FNDC7: variants seen among roughly 807,000 people sequenced by gnomAD.
FNDC7 encodes the protein fibronectin type III domain containing 7.
FNDC7 carries 66 observed loss-of-function variants against 74.2 expected under a neutral mutation model. The observed-to-expected ratio is 0.89, with a 90% CI of 0.73 to 1.09. The LOEUF (loss-of-function observed/expected upper bound fraction) is 1.09. Ranked by LOEUF, FNDC7 falls within the 50% of genes least tolerant of loss-of-function variation. The pLI is 0.00. For missense variants in FNDC7, 829 were observed against 893.4 expected (o/e 0.93, Z 0.92); for synonymous variants, 307 against 330.2 (o/e 0.93, Z 0.76).
In FNDC7 at chr1:108,727,842, G is replaced by T; in HGVS notation, c.1146G>T (p.Leu382Phe). 5.6e-6 allele frequency: 9 copies of T among 1,614,144 alleles called. No individual in the cohort carries two copies. Among genetic ancestry groups the T allele is most frequent in the Non-Finnish European group, 7.6e-6 (9 of 1,180,040 alleles). ...GTCCTAGTGACATTAACCCCGTGTT[G>T]GTGTCCAGTGACAGAGTTGAGATTG... ...PCCPSDINPV[L>F]VSSDRVEIVW... is the part of the protein sequence containing the mutation. The change falls in exon 7 of 13, where the codon TTG becomes TTT. Residue 382 changes from leucine to phenylalanine, a missense_variant. Leu to Phe is a conservative substitution (Grantham distance 22, BLOSUM62 0). Transcript: ENST00000370017.
chr1:108,737,371 C>A, intron 10 of FNDC7, 124 bp from the exon 11 acceptor site: 1 of 736,800 alleles, frequency 1.4e-6, no homozygotes, highest in Non-Finnish European at 2.2e-6. Context: ...TCTCTTATCA[C>A]CCAAGTTCGT....
Sources: allele counts gnomAD v4.1 joint callset, GRCh38; gene constraint gnomAD v4.1.1; transcripts MANE v1.5; gene names NCBI Gene and HGNC (gene_info 2026-07-23, HGNC 2026-07-21).